Variants in COL25A1 observed in about 807,000 individuals in gnomAD.
COL25A1 encodes collagen alpha-1(XXV) chain.
COL25A1 carries 103 observed loss-of-function variants against 128.4 expected under a neutral mutation model. The ratio of observed to expected loss-of-function variants is 0.80; its 90% CI spans 0.68 to 0.94. The LOEUF (loss-of-function observed/expected upper bound fraction) is 0.94. Ranked by LOEUF, COL25A1 falls within the 40% of genes least tolerant of loss-of-function variation. The pLI is 0.00. For missense variants in COL25A1, 745 were observed against 840.0 expected, an observed-to-expected ratio of 0.89 and a Z score of 1.40; for synonymous variants, 279 against 277.2, an observed-to-expected ratio of 1.01 and a Z score of -0.06.
At chr4:109,025,275 T>C (rs1758147529) in intron 5 of COL25A1, among the ~76,000 whole-genome samples, 1 of 152,202 alleles carries the variant, frequency 6.6e-6, no homozygotes, top group African/African-American at 2.4e-5. Flanking sequence ...CTGCTCAGCT[T>C]CCATTGCTTT....
intron 5 of COL25A1, among the ~76,000 whole-genome samples, chr4:109,014,570 T>G (rs1211921476): frequency 6.6e-6 from 1 of 152,246 alleles, no homozygotes; most frequent in African/African-American, 2.4e-5. Context: ...GTGCATACAC[T>G]TATATGTTAT....
intron 3 of COL25A1, among the ~76,000 whole-genome samples, chr4:109,126,281 T>C (rs1334796144): frequency 1.1e-4 from 16 of 152,306 alleles, no homozygotes; most frequent in East Asian, 1.9e-4. Context: ...TTAACTTACT[T>C]TATTTTGTAT....
chr4:109,068,053 C>A (rs1579262759), intron 3 of COL25A1, among the ~76,000 whole-genome samples: 1 of 152,128 alleles, frequency 6.6e-6, no homozygotes, highest in Non-Finnish European at 1.5e-5. Flanking sequence ...GGGGTGCGTG[C>A]CATTGCTTTC....
intron 3 of COL25A1, among the ~76,000 whole-genome samples, chr4:109,216,757 A>G (rs1778030817): frequency 6.6e-6 from 1 of 152,186 alleles, no homozygotes; most frequent in Admixed American, 6.5e-5. Context: ...ATAAATTTCT[A>G]TTGTTTTAAG....
intron 11 of COL25A1, among the ~76,000 whole-genome samples, chr4:108,931,780 G>C (rs1266540043): frequency 6.6e-6 from 1 of 152,132 alleles, no homozygotes; most frequent in Non-Finnish European, 1.5e-5. Flanking sequence ...GGCATCACTT[G>C]TCTACTTTTT....
chr4:108,883,081 G>T (rs1424051069), intron 19 of COL25A1, among the ~76,000 whole-genome samples: 1 of 151,946 alleles, frequency 6.6e-6, no homozygotes, highest in South Asian at 2.1e-4. Flanking sequence ...GCACTCTGTT[G>T]CCCAGCCTGG....
chr4:109,054,191 A>G (rs1761248951), intron 3 of COL25A1, among the ~76,000 whole-genome samples: 1 of 152,238 alleles, frequency 6.6e-6, no homozygotes, highest in Non-Finnish European at 1.5e-5. Context: ...ATATGTGAAC[A>G]AGATTGCAAG....
chr4:108,983,233 T>C (rs762544788), intron 6 of COL25A1, among the ~76,000 whole-genome samples: 1 of 152,306 alleles, frequency 6.6e-6, no homozygotes, highest in Non-Finnish European at 1.5e-5. Context: ...ATGAACTCCA[T>C]GGTGAAAGAC....
At chr4:109,037,747 C>T (rs1392515795) in intron 5 of COL25A1, among the ~76,000 whole-genome samples, 1 of 152,190 alleles carries the variant, frequency 6.6e-6, no homozygotes, top group Non-Finnish European at 1.5e-5. Context: ...CTTCTCTGAG[C>T]CCTTGCTGAC....
intron 3 of COL25A1, among the ~76,000 whole-genome samples, chr4:109,053,003 A>T (rs1761127005): frequency 6.6e-6 from 1 of 152,152 alleles, no homozygotes; most frequent in African/African-American, 2.4e-5. Flanking sequence ...AAATTCTATC[A>T]GCAGAAAAAC....
intron 11 of COL25A1, among the ~76,000 whole-genome samples, chr4:108,931,693 G>A (rs985500150): frequency 2.6e-5 from 4 of 152,168 alleles, no homozygotes; most frequent in African/African-American, 9.7e-5. Flanking sequence ...CCCCAGCCTG[G>A]GGAGACACAG....
rs1242280148 is a variant in COL25A1 at position 109,239,416 on chromosome 4, ATATATATT to A, written c.367+61159_367+61166del. 9.7e-4 allele frequency among the ~76,000 whole-genome samples: 131 copies of A among 135,652 alleles called. No individual in the cohort carries two copies. In the South Asian group the frequency reaches 0.021, roughly 22 times the overall value. 89.0% of individuals were successfully genotyped at this position (135,652 alleles called of 152,430 possible). A position where few individuals can be genotyped will look rare whatever the true frequency, so the allele number is the denominator to read the frequency against. On this transcript the variant is annotated intron_variant, in intron 3 of 37. Transcript: ENST00000399132. ...TGTGTATATATATATATATATATATATATATATTTATTTATTTATTTATTTATATTGTA... is the reference window on the plus strand; with the variant it reads ...TGTGTATATATATATATATATATATATATTTATTTATTTATTTATATTGTA...
intron 18 of COL25A1, among the ~76,000 whole-genome samples, 179 bp downstream of exon 18, chr4:108,889,042 A>G (rs1741143802): frequency 6.6e-6 from 1 of 152,248 alleles, no homozygotes; most frequent in Non-Finnish European, 1.5e-5. Context: ...GTTTGTTTGC[A>G]CATTGTGCTA....
At chr4:108,868,904 AAAAAG>A (rs1451599299) in intron 20 of COL25A1, among the ~76,000 whole-genome samples, 179 bp downstream of exon 20, 1 of 135,150 alleles carries the variant, frequency 7.4e-6, no homozygotes, top group Non-Finnish European at 1.6e-5. Context: ...AAGGAAAGAG[AAAAAG>A]AAAGAAAGAG....
rs10567518 is a variant in COL25A1 at position 108,822,043 on chromosome 4, A to AT, written c.1845+2130dup. 6.7e-5 allele frequency among the ~76,000 whole-genome samples: 6 copies of AT among 89,998 alleles called. 1 individual carries two copies. The highest frequency in any genetic ancestry group is 1.7e-4 in the African/African-American group (4 of 23,776). The allele number at this position is 89,998 out of a possible 152,430, so 59.0% of individuals were successfully genotyped here. The stretch of plus-strand genomic sequence containing the variant: ...AAACGTGAGTATCCTCCTAATGGTA[A>AT]TTTTTTTTTTTTTTTTTGGGACAGG... On this transcript the variant is annotated intron_variant, in intron 35 of 37. Transcript: ENST00000399132.
chr4:109,027,852 G>C (rs1445907588), intron 5 of COL25A1, among the ~76,000 whole-genome samples: 1 of 152,140 alleles, frequency 6.6e-6, no homozygotes, highest in Non-Finnish European at 1.5e-5. Context: ...AGCAGCTTTG[G>C]AGAGTAAGGG....
chr4:109,154,696 C>T (rs914163469), intron 3 of COL25A1, among the ~76,000 whole-genome samples: 1 of 152,134 alleles, frequency 6.6e-6, no homozygotes, highest in African/African-American at 2.4e-5. Context: ...TAAGCTTATG[C>T]AAATAAGAAA....
At chr4:108,927,140 A>C (rs1746159343) in intron 11 of COL25A1, among the ~76,000 whole-genome samples, 1 of 152,112 alleles carries the variant, frequency 6.6e-6, no homozygotes, top group Non-Finnish European at 1.5e-5. Context: ...CTTCATGTGA[A>C]GTTCTTAATC....
At chr4:109,169,624 C>T (rs1773402763) in intron 3 of COL25A1, among the ~76,000 whole-genome samples, 1 of 152,092 alleles carries the variant, frequency 6.6e-6, no homozygotes. Flanking sequence ...TCTACTGCAG[C>T]CCTAGAAATT....
Sources: gnomAD v4.1 joint callset for allele counts (sites outside exome capture counted in the v4.1 genomes callset) on GRCh38, gnomAD v4.1.1 for gene constraint, MANE v1.5 for transcripts, NCBI Gene and HGNC (gene_info 2026-07-23, HGNC 2026-07-21) for gene names.